MPDZ: variants seen among roughly 807,000 people sequenced by gnomAD.
MPDZ encodes the protein multiple PDZ domain protein.
In MPDZ, 234 loss-of-function variants were observed where a neutral mutation model predicts 239.1. The observed-to-expected ratio is 0.98, with a 90% CI of 0.88 to 1.09. The LOEUF (loss-of-function observed/expected upper bound fraction) is 1.09. Among genes scored for constraint, MPDZ ranks in the 50% least tolerant of loss-of-function variants. The probability of loss-of-function intolerance (pLI) is 0.00; values close to 1 mark genes in which losing one functional copy is unlikely to be tolerated. For synonymous variants in MPDZ, 1,048 were observed against 881.3 expected, an observed-to-expected ratio of 1.19 and a Z score of -3.35; for missense variants, 3,175 against 2,510.0, an observed-to-expected ratio of 1.26 and a Z score of -5.66.
chr9:13,109,944 G>C lies in MPDZ; in HGVS notation c.5942+8C>G, dbSNP rs757005699. On this transcript the variant is annotated splice_region_variant and intron_variant, in intron 45 of 46. Coordinates refer to ENST00000319217, the MANE Select transcript of MPDZ (RefSeq NM_001378778.1). ...AAATGATACACTAATCATCATGTATGAACTCACCCTAAATCATCCTGAAAT... is the reference window on the plus strand; with the variant it reads ...AAATGATACACTAATCATCATGTATCAACTCACCCTAAATCATCCTGAAAT... The C allele has an allele frequency of 6.2e-7, 1 of 1,602,986 alleles. No homozygotes were observed. The highest frequency in any genetic ancestry group is 8.5e-7 in the Non-Finnish European group (1 of 1,171,992).
At chr9:13,243,846 A>G (rs1026809929) in intron 3 of MPDZ, among the ~76,000 whole-genome samples, 1 of 152,214 alleles carries the variant, frequency 6.6e-6, no homozygotes, top group African/African-American at 2.4e-5. Context: ...TGGAAATATT[A>G]AAGAAACACC....
intron 3 of MPDZ, among the ~76,000 whole-genome samples, chr9:13,230,665 T>A (rs1311744316): frequency 6.6e-6 from 1 of 152,154 alleles, no homozygotes; most frequent in Non-Finnish European, 1.5e-5. Flanking sequence ...ATAAGGGAGA[T>A]ATTTGTGGTG....
intron 12 of MPDZ, among the ~76,000 whole-genome samples, chr9:13,196,601 T>G (rs1409974696): frequency 2.0e-5 from 3 of 152,060 alleles, no homozygotes; most frequent in African/African-American, 7.2e-5. Context: ...TTATTTTCAT[T>G]TAGTTCATCA....
intron 23 of MPDZ, among the ~76,000 whole-genome samples, chr9:13,161,513 G>A (rs898890673): frequency 2.6e-5 from 4 of 152,088 alleles, no homozygotes; most frequent in Admixed American, 2.6e-4. Context: ...AGAGGTCTCA[G>A]TAAGCCAAAA....
At chr9:13,163,173 T>A (rs1950667363) in intron 22 of MPDZ, among the ~76,000 whole-genome samples, 2 of 152,114 alleles carry the variant, frequency 1.3e-5, no homozygotes. Flanking sequence ...GCCCAAAGAT[T>A]TCTGGGATCT....
At chr9:13,163,494 A>G (rs961288015) in intron 22 of MPDZ, among the ~76,000 whole-genome samples, 6 of 152,216 alleles carry the variant, frequency 3.9e-5, no homozygotes, top group Non-Finnish European at 7.3e-5. Flanking sequence ...TGCGGAAGAC[A>G]CTGTGCCAGA....
At chr9:13,144,121 A>T (rs1948123409) in intron 26 of MPDZ, among the ~76,000 whole-genome samples, 1 of 152,096 alleles carries the variant, frequency 6.6e-6, no homozygotes, top group Admixed American at 6.6e-5. Context: ...TTTAAATTAA[A>T]AAAACAGTAA....
intron 1 of MPDZ, among the ~76,000 whole-genome samples, chr9:13,278,412 C>G (rs1163447867): frequency 6.6e-6 from 1 of 152,052 alleles, no homozygotes; most frequent in African/African-American, 2.4e-5. Context: ...CGGCCTCTAC[C>G]TCCCGCCGGC....
At chr9:13,226,994 C>T (rs953776131) in intron 3 of MPDZ, among the ~76,000 whole-genome samples, 5 of 151,908 alleles carry the variant, frequency 3.3e-5, no homozygotes, top group African/African-American at 4.8e-5. Context: ...TTTTTCATCA[C>T]GGTGTTCCTA....
intron 10 of MPDZ, among the ~76,000 whole-genome samples, chr9:13,214,852 T>C (rs1958087529): frequency 6.6e-6 from 1 of 152,040 alleles, no homozygotes; most frequent in Admixed American, 6.6e-5. Context: ...TGATCTTTAG[T>C]GTAGATCTGA....
At chr9:13,237,441 C>CAAAAA (rs71331532) in intron 3 of MPDZ, among the ~76,000 whole-genome samples, 2 of 54,692 alleles carry the variant, frequency 3.7e-5, no homozygotes, top group African/African-American at 6.3e-5. Flanking sequence ...GACACTGTCT[C>CAAAAA]AAAAAAAAAA....
intron 45 of MPDZ, 64 bp downstream of exon 45, chr9:13,109,887 CA>C: frequency 7.8e-7 from 1 of 1,276,032 alleles, no homozygotes; most frequent in South Asian, 1.3e-5. Flanking sequence ...ACAGAGAACG[CA>C]ACTGTCAGGA....
chr9:13,198,968 T>C (rs537007732), intron 12 of MPDZ, among the ~76,000 whole-genome samples: 41 of 152,132 alleles, frequency 2.7e-4, no homozygotes, highest in African/African-American at 8.7e-4. Context: ...GCATTGAATA[T>C]ATAGATATCT....
intron 5 of MPDZ, among the ~76,000 whole-genome samples, chr9:13,223,226 T>A (rs551589145): frequency 4.3e-4 from 66 of 151,890 alleles, no homozygotes; most frequent in Middle Eastern, 3.2e-3. Flanking sequence ...TTGCTCTGGG[T>A]ACATAAAAAA....
intron 1 of MPDZ, among the ~76,000 whole-genome samples, chr9:13,273,092 C>T (rs1054300205): frequency 1.3e-5 from 2 of 152,114 alleles, no homozygotes; most frequent in African/African-American, 4.8e-5. Flanking sequence ...CACAGCAACA[C>T]GGCATCATCT....
At chr9:13,165,445 A>G (rs762161210) in intron 22 of MPDZ, 1 of 1,547,498 alleles carries the variant, frequency 6.5e-7, no homozygotes, top group Non-Finnish European at 8.7e-7. Flanking sequence ...ATCTTTTTAC[A>G]ATGGTGTTAA....
At chr9:13,150,232 T>C (rs968672288) in intron 25 of MPDZ, among the ~76,000 whole-genome samples, 3 of 151,956 alleles carry the variant, frequency 2.0e-5, no homozygotes, top group Non-Finnish European at 4.4e-5. Flanking sequence ...TCAGTCTCTA[T>C]ATCAAAACAT....
At chr9:13,184,008 T>C (rs994650282) in intron 18 of MPDZ, among the ~76,000 whole-genome samples, 1 of 152,052 alleles carries the variant, frequency 6.6e-6, no homozygotes, top group Non-Finnish European at 1.5e-5. Context: ...AATTATATAT[T>C]TGTAAGCCAC....
At chr9:13,141,477 G>C (rs1158543847) in intron 27 of MPDZ, among the ~76,000 whole-genome samples, 2 of 152,122 alleles carry the variant, frequency 1.3e-5, no homozygotes, top group Non-Finnish European at 2.9e-5. Context: ...TCGGTATGAA[G>C]TTGTCCCTGA....
Sources: allele counts gnomAD v4.1 joint callset (sites outside exome capture counted in the v4.1 genomes callset), GRCh38; gene constraint gnomAD v4.1.1; transcripts MANE v1.5; gene names NCBI Gene and HGNC (gene_info 2026-07-23, HGNC 2026-07-21).